Variants in PRELID2 observed in about 807,000 individuals in gnomAD.
PRELID2 encodes the protein PRELI domain containing 2.
Under a neutral mutation model 28.4 loss-of-function variants are expected in PRELID2, and 25 were observed. The observed-to-expected ratio is 0.88, with a 90% CI of 0.64 to 1.23. PRELID2 has a LOEUF of 1.23. PRELID2 is among the 50% of genes most tolerant of loss of function. The pLI, the probability that PRELID2 is intolerant of heterozygous loss-of-function variation, is 0.00. For missense variants in PRELID2, 201 were observed against 214.4 expected (o/e 0.94, Z 0.39); for synonymous variants, 76 against 71.6 (o/e 1.06, Z -0.31).
At chr5:145,253,230 G>A in the PRELID2 span, among the ~76,000 whole-genome samples, 517 of 152,178 alleles carry the variant, frequency 3.4e-3, 1 homozygote, top group Non-Finnish European at 5.7e-3. Flanking sequence ...AAAAATTTAG[G>A]ATATTCTATT....
chr5:145,252,298 T>A, the PRELID2 span, among the ~76,000 whole-genome samples: 1 of 152,156 alleles, frequency 6.6e-6, no homozygotes, highest in African/African-American at 2.4e-5. Flanking sequence ...TCTCTGGCCC[T>A]GTCTTAAACG....
intron 1 of PRELID2, among the ~76,000 whole-genome samples, chr5:145,620,944 G>C (rs565638020): frequency 2.0e-5 from 3 of 152,238 alleles, no homozygotes; most frequent in African/African-American, 7.2e-5. Context: ...GAAGACATCT[G>C]AATAACATCA....
At chr5:145,730,357 C>T (rs1456057608) in intron 1 of PRELID2, among the ~76,000 whole-genome samples, 4 of 152,064 alleles carry the variant, frequency 2.6e-5, no homozygotes, top group East Asian at 3.9e-4. Context: ...ACCCCATGCC[C>T]GTAATGTAGA....
the PRELID2 span, among the ~76,000 whole-genome samples, chr5:145,300,092 C>T: frequency 6.6e-6 from 1 of 152,038 alleles, no homozygotes; most frequent in Non-Finnish European, 1.5e-5. Flanking sequence ...TCTTCACTGC[C>T]TGTGTATATC....
At chr5:145,697,582 CAG>C (rs1259770404) in intron 1 of PRELID2, among the ~76,000 whole-genome samples, 10 of 152,170 alleles carry the variant, frequency 6.6e-5, no homozygotes, top group African/African-American at 2.4e-4. Flanking sequence ...GTAGTGACAA[CAG>C]AGACTCTATG....
At chr5:145,608,724 T>A (rs573286125) in intron 1 of PRELID2, among the ~76,000 whole-genome samples, 1 of 152,296 alleles carries the variant, frequency 6.6e-6, no homozygotes, top group South Asian at 2.1e-4. Context: ...GTCTTAGGGA[T>A]GGTCATCTTG....
At chr5:145,668,998 G>A (rs537911450) in intron 1 of PRELID2, among the ~76,000 whole-genome samples, 34 of 152,146 alleles carry the variant, frequency 2.2e-4, no homozygotes, top group African/African-American at 7.7e-4. Flanking sequence ...GTCACTTCCT[G>A]TGGATTTCTT....
intron 1 of PRELID2, among the ~76,000 whole-genome samples, chr5:145,653,662 C>T (rs973335286): frequency 1.3e-5 from 2 of 152,040 alleles, no homozygotes; most frequent in African/African-American, 2.4e-5. Flanking sequence ...GGGTACATAA[C>T]GAAATGAAGG....
At chr5:145,656,391 C>G (rs1365585380) in intron 1 of PRELID2, among the ~76,000 whole-genome samples, 1 of 152,124 alleles carries the variant, frequency 6.6e-6, no homozygotes, top group Non-Finnish European at 1.5e-5. Context: ...ACCCAGCCAT[C>G]CTATTACTGG....
chr5:145,508,809 TG>T (rs1400059525), intron 1 of PRELID2, among the ~76,000 whole-genome samples: 2 of 151,658 alleles, frequency 1.3e-5, no homozygotes, highest in Non-Finnish European at 2.9e-5. Context: ...GCTTGAGGGG[TG>T]GGAACAGAAT....
At chr5:145,737,614 G>C (rs974353443) in intron 1 of PRELID2, among the ~76,000 whole-genome samples, 2 of 152,146 alleles carry the variant, frequency 1.3e-5, no homozygotes, top group African/African-American at 4.8e-5. Flanking sequence ...TTTTTAAAAA[G>C]GATGGTCTCT....
At chr5:145,340,764 AATATACATATATATATAT>A in the PRELID2 span, among the ~76,000 whole-genome samples, 1 of 79,212 alleles carries the variant, frequency 1.3e-5, no homozygotes, top group African/African-American at 4.9e-5. Flanking sequence ...CCTGCCTAAA[AATATACATATATATATAT>A]ATATATATAT....
At chr5:145,717,667 ATAAAT>A (rs1220047215) in intron 1 of PRELID2, among the ~76,000 whole-genome samples, 1 of 150,902 alleles carries the variant, frequency 6.6e-6, no homozygotes, top group Non-Finnish European at 1.5e-5. Flanking sequence ...ATTTAATATA[ATAAAT>A]TAGATTTAAA....
chr5:145,468,336 T>A (rs189327023), downstream of PRELID2, among the ~76,000 whole-genome samples: 30 of 152,286 alleles, frequency 2.0e-4, no homozygotes, highest in Admixed American at 1.8e-3. Context: ...TTTGGCTTGG[T>A]TCCAAGTCTT....
intron 4 of PRELID2, 108 bp downstream of exon 4, chr5:145,817,786 T>A (rs1316351926): frequency 1.1e-6 from 1 of 919,788 alleles, no homozygotes; most frequent in Non-Finnish European, 1.5e-6. Context: ...GGAATTTGTA[T>A]GAGTTATAAA....
chr5:145,771,173 G>A (rs1157970281), intron 5 of PRELID2, among the ~76,000 whole-genome samples: 1 of 151,352 alleles, frequency 6.6e-6, no homozygotes, highest in Non-Finnish European at 1.5e-5. Flanking sequence ...CCTATATTTA[G>A]CTATGTTTGG....
At chr5:145,469,155 C>T (rs1310814197), downstream of PRELID2, among the ~76,000 whole-genome samples, 3 of 152,186 alleles carry the variant, frequency 2.0e-5, no homozygotes, top group East Asian at 5.8e-4. Context: ...CTTTCAAGTT[C>T]ACCATTAACA....
intron 1 of PRELID2, among the ~76,000 whole-genome samples, chr5:145,539,385 C>G (rs1278976981): frequency 6.6e-6 from 1 of 152,020 alleles, no homozygotes; most frequent in Non-Finnish European, 1.5e-5. Context: ...TTGGCCCCAT[C>G]CAGACCTATT....
At chr5:145,816,271 C>CG (rs1242841710) in intron 4 of PRELID2, among the ~76,000 whole-genome samples, 2 of 151,510 alleles carry the variant, frequency 1.3e-5, no homozygotes, top group Non-Finnish European at 2.9e-5. Flanking sequence ...TTAGTAGAGA[C>CG]GGGATTTTGC....
Sources: gnomAD v4.1 joint callset for allele counts (sites outside exome capture counted in the v4.1 genomes callset) on GRCh38, gnomAD v4.1.1 for gene constraint, MANE v1.5 for transcripts, NCBI Gene and HGNC (gene_info 2026-07-23, HGNC 2026-07-21) for gene names.